RAB31: variants seen among roughly 807,000 people sequenced by gnomAD.
RAB31 encodes ras-related protein Rab-31.
Under a neutral mutation model 25.6 loss-of-function variants are expected in RAB31, and 21 were observed. The ratio of observed to expected loss-of-function variants is 0.82; its 90% CI spans 0.58 to 1.18. The LOEUF (loss-of-function observed/expected upper bound fraction) is 1.18. RAB31 is among the 50% of genes most tolerant of loss of function. The pLI is 0.00. For missense variants in RAB31, 196 were observed against 250.1 expected (o/e 0.78, Z 1.46); for synonymous variants, 87 against 84.0 (o/e 1.04, Z -0.20).
At chr18:9,808,270 T>C (rs189979633) in intron 3 of RAB31, among the ~76,000 whole-genome samples, 1 of 152,356 alleles carries the variant, frequency 6.6e-6, no homozygotes, top group East Asian at 1.9e-4. Flanking sequence ...AGAAGTAATG[T>C]ATTATGATAT....
chr18:9,764,589 C>T (rs572210726), intron 1 of RAB31, among the ~76,000 whole-genome samples: 32 of 152,302 alleles, frequency 2.1e-4, no homozygotes, highest in African/African-American at 7.5e-4. Flanking sequence ...CATGGGTACA[C>T]GGGCTCCCAT....
chr18:9,831,781 G>A (rs894099283), intron 5 of RAB31, among the ~76,000 whole-genome samples: 1 of 152,216 alleles, frequency 6.6e-6, no homozygotes, highest in South Asian at 2.1e-4. Context: ...CAAAATCAGG[G>A]ACACAGTTTT....
intron 5 of RAB31, among the ~76,000 whole-genome samples, chr18:9,841,945 G>A (rs2068736490): frequency 6.6e-6 from 1 of 152,184 alleles, no homozygotes; most frequent in Admixed American, 6.5e-5. Flanking sequence ...TTAAGCATGG[G>A]TGACTACTTT....
At chr18:9,732,345 G>GTGGC (rs2068127619) in intron 1 of RAB31, among the ~76,000 whole-genome samples, 1 of 152,098 alleles carries the variant, frequency 6.6e-6, no homozygotes, top group Non-Finnish European at 1.5e-5. Context: ...AACCTCCCCA[G>GTGGC]AGGCCCAAGT....
chr18:9,842,018 A>G (rs1347459609), intron 5 of RAB31, among the ~76,000 whole-genome samples: 4 of 152,154 alleles, frequency 2.6e-5, no homozygotes, highest in Admixed American at 2.0e-4. Flanking sequence ...AAGGCCTCCT[A>G]TAATATTAAT....
intron 1 of RAB31, among the ~76,000 whole-genome samples, chr18:9,772,622 A>G (rs995792813): frequency 5.9e-5 from 9 of 152,244 alleles, no homozygotes; most frequent in Non-Finnish European, 1.2e-4. Context: ...TGAATGGAAT[A>G]GCCCTGAGAA....
At chr18:9,710,756 G>T (rs1205660847) in intron 1 of RAB31, among the ~76,000 whole-genome samples, 1 of 152,192 alleles carries the variant, frequency 6.6e-6, no homozygotes, top group Non-Finnish European at 1.5e-5. Flanking sequence ...TACTCGGGAG[G>T]CTGAGGCAGG....
intron 2 of RAB31, 116 bp downstream of exon 2, chr18:9,775,473 G>A: frequency 6.6e-7 from 1 of 1,518,636 alleles, no homozygotes; most frequent in Non-Finnish European, 8.9e-7. Flanking sequence ...CAGCCAGTGA[G>A]AATCAATCCC....
intron 1 of RAB31, among the ~76,000 whole-genome samples, chr18:9,720,415 G>A (rs570306364): frequency 6.6e-6 from 1 of 152,226 alleles, no homozygotes; most frequent in Non-Finnish European, 1.5e-5. Flanking sequence ...GATATCGCCA[G>A]ATGCTTAGTT....
At chr18:9,828,057 A>G (rs1344711577) in intron 5 of RAB31, among the ~76,000 whole-genome samples, 1 of 152,200 alleles carries the variant, frequency 6.6e-6, no homozygotes, top group Non-Finnish European at 1.5e-5. Context: ...TGCCACAGGC[A>G]GTTACGGATG....
At position 9,727,541 on chromosome 18, in the gene RAB31, C is replaced by G. The variant is rs2068101502; in HGVS notation, c.39+19097C>G. Among the ~76,000 whole-genome samples the G allele has an allele frequency of 2.0e-5, 3 of 152,172 alleles. No homozygotes were observed. In the South Asian group the frequency reaches 6.2e-4, roughly 32 times the overall value. The stretch of plus-strand genomic sequence containing the variant: ...ATGTTGTCGAGGCTGGTCTCGAACT[C>G]CTGGCCTCAAGGGATCCTTTTGCCT... On this transcript the variant is annotated intron_variant, in intron 1 of 6. Coordinates refer to ENST00000578921, the MANE Select transcript of RAB31 (RefSeq NM_006868.4).
chr18:9,799,990 G>A (rs886079775), intron 3 of RAB31, among the ~76,000 whole-genome samples: 2 of 152,080 alleles, frequency 1.3e-5, no homozygotes, highest in African/African-American at 4.8e-5. Flanking sequence ...GCTGGTTTCT[G>A]CTTCACACCA....
At chr18:9,767,190 TTC>T (rs2145486767) in intron 1 of RAB31, among the ~76,000 whole-genome samples, 1 of 152,368 alleles carries the variant, frequency 6.6e-6, no homozygotes, top group South Asian at 2.1e-4. Context: ...GCAAATCATA[TTC>T]TCTCTCTTTC....
intron 1 of RAB31, among the ~76,000 whole-genome samples, chr18:9,763,599 A>G (rs955526729): frequency 1.3e-5 from 1 of 79,738 alleles, no homozygotes; most frequent in African/African-American, 4.8e-5. Context: ...AAAGAAAAAA[A>G]TTATATATAT....
chr18:9,733,905 G>A (rs1276565548), intron 1 of RAB31, among the ~76,000 whole-genome samples: 2 of 151,994 alleles, frequency 1.3e-5, no homozygotes, highest in Non-Finnish European at 2.9e-5. Flanking sequence ...ACTGGGGAGG[G>A]GGGGCTTGGT....
At chr18:9,740,740 A>C (rs914130680) in intron 1 of RAB31, among the ~76,000 whole-genome samples, 3 of 152,132 alleles carry the variant, frequency 2.0e-5, no homozygotes, top group African/African-American at 7.2e-5. Flanking sequence ...TGGTGGGTTA[A>C]TGTTACCCAG....
chr18:9,807,071 T>C (rs1328031266), intron 3 of RAB31, among the ~76,000 whole-genome samples: 2 of 152,194 alleles, frequency 1.3e-5, no homozygotes, highest in African/African-American at 4.8e-5. Context: ...AGACGAACTT[T>C]GCTCGGACAG....
intron 1 of RAB31, among the ~76,000 whole-genome samples, chr18:9,768,813 G>A (rs1440611121): frequency 6.6e-6 from 1 of 152,126 alleles, no homozygotes; most frequent in Non-Finnish European, 1.5e-5. Context: ...TTCTTCTAGG[G>A]TTTTGGGGTT....
intron 1 of RAB31, among the ~76,000 whole-genome samples, chr18:9,740,637 T>G (rs1456437437): frequency 2.0e-5 from 3 of 151,862 alleles, no homozygotes; most frequent in Non-Finnish European, 2.9e-5. Context: ...TGCTTGAATC[T>G]GGGAGGTGGA....
Sources: gnomAD v4.1 joint callset for allele counts (sites outside exome capture counted in the v4.1 genomes callset) on GRCh38, gnomAD v4.1.1 for gene constraint, MANE v1.5 for transcripts, NCBI Gene and HGNC (gene_info 2026-07-23, HGNC 2026-07-21) for gene names.